XPO6: variants seen among roughly 807,000 people sequenced by gnomAD.
The protein encoded by XPO6 is exportin 6.
XPO6 carries 3 observed loss-of-function variants against 130.0 expected under a neutral mutation model. That is an observed-to-expected ratio of 0.02 (90% confidence interval 0.01 to 0.06). XPO6 has a LOEUF of 0.06. XPO6 is among the 10% of genes least tolerant of loss of function. The probability of loss-of-function intolerance (pLI) is 1.00; values close to 1 mark genes in which losing one functional copy is unlikely to be tolerated. For synonymous variants in XPO6, 524 were observed against 548.9 expected, an observed-to-expected ratio of 0.95 and a Z score of 0.63; for missense variants, 970 against 1,393.0, an observed-to-expected ratio of 0.70 and a Z score of 4.83.
chr16:28,160,011 C>T, intron 6 of XPO6, among the ~76,000 whole-genome samples: 1 of 151,094 alleles, frequency 6.6e-6, no homozygotes, highest in East Asian at 1.9e-4. Flanking sequence ...CATGGTGAAA[C>T]CCTGTCTCTA....
In XPO6 at chr16:28,106,145, C is replaced by T; in HGVS notation, c.2682G>A (p.Lys894=). Residue 894 remains lysine, a synonymous_variant, in exon 20 of 24, where the codon AAG becomes AAA. Transcript: ENST00000304658. This position sits in a 1 kb window ranked among gnomAD's most constrained non-coding sequence, Gnocchi z 4.2. Reference sequence around the variant, plus strand: ...GCTCCTGGACCACCACCTGCAGGATCTTCAGAAACTTCTCCACCACCCGGC... The same window carrying T: ...GCTCCTGGACCACCACCTGCAGGATTTTCAGAAACTTCTCCACCACCCGGC... ...TGCRVVEKFL[K]ILQVVVQEPG... is the part of the protein sequence containing the mutation. The T allele has an allele frequency of 6.2e-7, 1 of 1,614,202 alleles. No homozygotes were observed. Among genetic ancestry groups the T allele is most frequent in the Non-Finnish European group, 8.5e-7 (1 of 1,180,044 alleles).
At chr16:28,162,605 A>C (rs1457498838) in intron 6 of XPO6, among the ~76,000 whole-genome samples, 1 of 146,250 alleles carries the variant, frequency 6.8e-6, no homozygotes, top group Non-Finnish European at 1.5e-5. Flanking sequence ...TCTGTCGCCC[A>C]GGCTGGAGTA....
At chr16:28,171,814 T>C (rs745712264) in intron 4 of XPO6, among the ~76,000 whole-genome samples, 3 of 152,080 alleles carry the variant, frequency 2.0e-5, no homozygotes, top group Non-Finnish European at 2.9e-5. Context: ...CACAATGAAA[T>C]AGAACTGATC....
At chr16:28,191,819 T>A (rs1344017979) in intron 1 of XPO6, among the ~76,000 whole-genome samples, 1 of 152,214 alleles carries the variant, frequency 6.6e-6, no homozygotes, top group Non-Finnish European at 1.5e-5. Flanking sequence ...AAAAGCATGC[T>A]GCAAATCTAA....
intron 5 of XPO6, among the ~76,000 whole-genome samples, chr16:28,167,808 G>C (rs2043380579): frequency 6.6e-6 from 1 of 151,740 alleles, no homozygotes; most frequent in Non-Finnish European, 1.5e-5. Flanking sequence ...TATGTTAAGT[G>C]AAAAAGCCAG....
At chr16:28,153,861 A>G (rs2043137764) in intron 7 of XPO6, 1 of 985,312 alleles carries the variant, frequency 1.0e-6, no homozygotes, top group Non-Finnish European at 1.2e-6. Context: ...CTACTCAGAA[A>G]AGCAAAACTG....
rs2087074740 is a variant in XPO6 at position 28,116,880 on chromosome 16, T to C, written c.2004+438A>G. Among the ~76,000 whole-genome samples, 3 of 152,300 alleles carry C rather than the reference T, an allele frequency of 2.0e-5. No homozygotes were observed. In the South Asian group the frequency reaches 6.2e-4, roughly 32 times the overall value. ...GAAGCACCAAATACTGTCAAAAAAA[T>C]GGTGCTGACAGATTTGCTTGATGCA... On this transcript the variant is annotated intron_variant, in intron 15 of 23. Transcript: ENST00000304658.
chr16:28,208,452 C>T (rs2044069351), intron 1 of XPO6, among the ~76,000 whole-genome samples: 1 of 152,172 alleles, frequency 6.6e-6, no homozygotes, highest in Non-Finnish European at 1.5e-5. Context: ...GGGACAGGGC[C>T]TACCCTACCC....
intron 7 of XPO6, chr16:28,155,785 G>A: frequency 2.0e-6 from 1 of 506,916 alleles, no homozygotes; most frequent in Non-Finnish European, 2.9e-6. Flanking sequence ...CAAGCAAATA[G>A]TAAGGAAAAG....
Position 28,101,792 on chromosome 16 carries a change from A to G in XPO6, c.3045+55T>C. 2 of 1,598,666 alleles carry G rather than the reference A, an allele frequency of 1.3e-6. No homozygotes were observed. Among genetic ancestry groups the G allele is most frequent in the East Asian group, 4.5e-5 (2 of 44,794 alleles). ...CTCCAGTGAGTAACCTGAGGGTGGG[A>G]CACAGGCCACAATGCCCCTGATGGA... On this transcript the variant is annotated intron_variant, in intron 22 of 23. Transcript: ENST00000304658. This position sits in a 1 kb window ranked among gnomAD's most constrained non-coding sequence, Gnocchi z 5.4.
chr16:28,178,896 G>A (rs552558766), intron 2 of XPO6, among the ~76,000 whole-genome samples: 6 of 151,982 alleles, frequency 3.9e-5, no homozygotes, highest in Admixed American at 2.0e-4. Context: ...GCGAAACCCC[G>A]TCACTACTAA....
intron 1 of XPO6, 88 bp from the exon 2 acceptor site, chr16:28,181,119 G>A (rs1252821081): frequency 2.1e-6 from 2 of 972,248 alleles, no homozygotes; most frequent in Non-Finnish European, 1.5e-6. Flanking sequence ...TCAACAGCAA[G>A]AGCAATTTAC....
intron 12 of XPO6, among the ~76,000 whole-genome samples, chr16:28,127,534 C>T (rs887734297): frequency 1.3e-5 from 2 of 152,142 alleles, no homozygotes; most frequent in South Asian, 4.2e-4. Flanking sequence ...CAGGGAGTCC[C>T]AGGCAGCTTC....
rs1311120467 is a variant in XPO6 at position 28,156,607 on chromosome 16, TA to T, written c.644-81del. 1.5e-5 allele frequency: 9 copies of T among 592,242 alleles called. No individual in the cohort carries two copies. In the East Asian group the frequency reaches 2.5e-4, roughly 16 times the overall value. The allele number at this position is 592,242 out of a possible 1,614,324, so 36.7% of individuals were successfully genotyped here. ...TTTAAGTAATTCTCCTTCAAAAAAATATATATATATATGTATACATATATGT... is the reference window on the plus strand; with the variant it reads ...TTTAAGTAATTCTCCTTCAAAAAAATTATATATATATGTATACATATATGT... On this transcript the variant is annotated intron_variant, in intron 6 of 23. Transcript: ENST00000304658.
chr16:28,195,911 T>A (rs781651714), intron 1 of XPO6, among the ~76,000 whole-genome samples: 1 of 152,196 alleles, frequency 6.6e-6, no homozygotes, highest in Admixed American at 6.6e-5. Flanking sequence ...CAAACATTCA[T>A]TCTTTAGGCT....
chr16:28,106,807 T>C lies in XPO6; in HGVS notation c.2498-310A>G, dbSNP rs2086793304. On this transcript the variant is annotated intron_variant, in intron 18 of 23. Transcript: ENST00000304658. This position sits in a 1 kb window ranked among gnomAD's most constrained non-coding sequence, Gnocchi z 4.2. ...GAGTTTCACTGGAGAGGGATCACTT[T>C]GTGCCCACACTGATGAATGCCAACT... Among the ~76,000 whole-genome samples the C allele has an allele frequency of 1.3e-5, 2 of 152,176 alleles. No homozygotes were observed. Among genetic ancestry groups the C allele is most frequent in the South Asian group, 4.1e-4 (2 of 4,828 alleles).
At chr16:28,204,343 G>T (rs1180536199) in intron 1 of XPO6, among the ~76,000 whole-genome samples, 1 of 151,984 alleles carries the variant, frequency 6.6e-6, no homozygotes, top group African/African-American at 2.4e-5. Context: ...TTTTAAACAG[G>T]GTGGTGAGGG....
intron 2 of XPO6, among the ~76,000 whole-genome samples, chr16:28,180,625 A>T (rs2043600198): frequency 6.6e-6 from 1 of 151,970 alleles, no homozygotes. Context: ...TGAGGCCAGG[A>T]GTTCAAGACC....
intron 4 of XPO6, among the ~76,000 whole-genome samples, chr16:28,173,778 C>T (rs774856622): frequency 1.3e-5 from 2 of 152,160 alleles, no homozygotes; most frequent in East Asian, 3.8e-4. Flanking sequence ...CCTTTTTAAA[C>T]CTCCAGAAGC....
Sources: gnomAD v4.1 joint callset for allele counts (sites outside exome capture counted in the v4.1 genomes callset) on GRCh38, gnomAD v4.1.1 for gene constraint, Gnocchi (gnomAD v3.1) non-coding constraint, MANE v1.5 for transcripts, NCBI Gene and HGNC (gene_info 2026-07-23, HGNC 2026-07-21) for gene names.